Variants in CDK5RAP2 observed in about 807,000 individuals in gnomAD.
CDK5RAP2 encodes the protein CDK5 regulatory subunit associated protein 2.
In CDK5RAP2, 147 loss-of-function variants were observed where a neutral mutation model predicts 232.9. The ratio of observed to expected loss-of-function variants is 0.63; its 90% CI spans 0.55 to 0.72. The LOEUF (loss-of-function observed/expected upper bound fraction) is 0.72, where lower values mean the gene tolerates loss of function less well. CDK5RAP2 is among the 30% of genes least tolerant of loss of function. The probability of loss-of-function intolerance (pLI) is 0.00; values close to 1 mark genes in which losing one functional copy is unlikely to be tolerated. For missense variants in CDK5RAP2, 2,195 were observed against 2,231.5 expected (o/e 0.98, Z 0.33); for synonymous variants, 833 against 833.7 (o/e 1.00, Z 0.01).
chr9:120,437,190 G>A (rs762422076), intron 25 of CDK5RAP2, 105 bp downstream of exon 25: 3 of 795,772 alleles, frequency 3.8e-6, no homozygotes, highest in Non-Finnish European at 6.6e-6. Flanking sequence ...AAGGCAGAGG[G>A]GTGAAAGATA....
chr9:120,405,980 A>T (rs1278565651), intron 32 of CDK5RAP2, among the ~76,000 whole-genome samples: 4 of 152,256 alleles, frequency 2.6e-5, no homozygotes, highest in Non-Finnish European at 4.4e-5. Context: ...TGCAAATTTT[A>T]AAAAATGATC....
chr9:120,580,063 G>T lies in CDK5RAP2; in HGVS notation c.-85C>A, dbSNP rs904299044. On this transcript the variant is annotated 5_prime_UTR_variant, in exon 1 of 38. It adds an upstream start codon to the 5' untranslated region. Coordinates refer to ENST00000349780, the MANE Select transcript of CDK5RAP2 (RefSeq NM_018249.6). ...CGATAGCGACCCGCCGGGCTCCCCAGGTCCCCGCCCCCTCCACCCCAGCTC... is the reference window on the plus strand; with the variant it reads ...CGATAGCGACCCGCCGGGCTCCCCATGTCCCCGCCCCCTCCACCCCAGCTC... 11 of 826,426 alleles carry T rather than the reference G, an allele frequency of 1.3e-5. No homozygotes were observed. Among genetic ancestry groups the T allele is most frequent in the African/African-American group, 1.2e-4 (7 of 59,722 alleles). The allele number at this position is 826,426 out of a possible 1,614,324, so 51.2% of individuals were successfully genotyped here.
rs7874364 is a variant in CDK5RAP2, at chr9:120,408,642, C to G, written c.4605-174G>C. Among the ~76,000 whole-genome samples the G allele has an allele frequency of 0.33, 49,840 of 152,132 alleles. 8,742 individuals carry two copies. The highest frequency in any genetic ancestry group is 0.46 in the African/African-American group (19,115 of 41,500). The stretch of plus-strand genomic sequence containing the variant: ...CTAATCCTAATTCCACTCCTCTGCT[C>G]AGAATCTCCCAGTGGCTTCCCATGC... On this transcript the variant is annotated intron_variant, in intron 30 of 37. Coordinates refer to ENST00000349780, the MANE Select transcript of CDK5RAP2 (RefSeq NM_018249.6).
chr9:120,558,371 CAAAAAAAAAAAAAAAAA>C (rs60669308), intron 3 of CDK5RAP2, among the ~76,000 whole-genome samples: 5 of 40,080 alleles, frequency 1.2e-4, no homozygotes, highest in Non-Finnish European at 1.2e-4. Flanking sequence ...GACTCCGTCT[CAAAAAAAAAAAAAAAAA>C]AAAAAAAAAA....
chr9:120,535,847 T>C (rs1395336940), intron 7 of CDK5RAP2, among the ~76,000 whole-genome samples: 1 of 152,230 alleles, frequency 6.6e-6, no homozygotes, highest in Non-Finnish European at 1.5e-5. Flanking sequence ...CCTTGCCCTG[T>C]ACTCATTTGG....
In CDK5RAP2 at chr9:120,486,631, C is replaced by G. The variant is rs2038620285; in HGVS notation, c.1626+663G>C. The stretch of plus-strand genomic sequence containing the variant: ...GGTGAGAGGAAGCGGAAAGGTGGAT[C>G]GTGTAACTCCAACAAACAGAGTAAG... On this transcript the variant is annotated intron_variant, in intron 14 of 37. Transcript: ENST00000349780. Among the ~76,000 whole-genome samples, 3 of 152,008 alleles carry G rather than the reference C, an allele frequency of 2.0e-5. No homozygotes were observed. In the South Asian group the frequency reaches 6.2e-4, roughly 32 times the overall value.
rs764342492 is a variant in CDK5RAP2 at position 120,407,013 on chromosome 9, G to A, written c.4962C>T (p.His1654=). ...AGTGGGGAGAGGCAGGGGCAGTACC[G>A]TGTTTGTCAGGCTGAAGGGGCACCT... ...IPEVPLQPDK[H]DGDKYPMESD... is the part of the protein sequence containing the mutation. Residue 1654 remains histidine (H), a splice_region_variant and synonymous_variant, in exon 32 of 38, where the codon CAC becomes CAT. Transcript: ENST00000349780. 1.7e-5 allele frequency: 27 copies of A among 1,609,886 alleles called. No individual in the cohort carries two copies. The highest frequency in any genetic ancestry group is 1.7e-4 in the Middle Eastern group (1 of 6,048).
chr9:120,446,299 T>G (rs2131365215), intron 22 of CDK5RAP2, among the ~76,000 whole-genome samples: 1 of 152,274 alleles, frequency 6.6e-6, no homozygotes, highest in South Asian at 2.1e-4. Flanking sequence ...TTGTGTCTGC[T>G]CACTGCAACC....
In CDK5RAP2 at chr9:120,530,121, G is replaced by C. The variant is rs1441026148; in HGVS notation, c.682C>G (p.Leu228Val). The change falls in exon 8 of 38, where the codon CTG (leucine) becomes GTG (valine). Residue 228 changes from leucine (L) to valine (V), a missense_variant. By Grantham distance (32) the Leu-to-Val change is conservative. Transcript: ENST00000349780. ...AAAGCTTCTTTGCTCTTCAAAGACA[G>C]CTTCAACTCCTCAATCAGTCTAAAA... ...EKDRLIEELK[L>V]SLKSKEALIQ... 5 of 1,613,238 alleles carry C rather than the reference G, an allele frequency of 3.1e-6. No homozygotes were observed. The Admixed American group carries it at 6.7e-5, about 22-fold the overall frequency.
At chr9:120,534,594 G>T (rs1168311998) in intron 7 of CDK5RAP2, among the ~76,000 whole-genome samples, 3 of 152,058 alleles carry the variant, frequency 2.0e-5, no homozygotes, top group Admixed American at 1.3e-4. Context: ...GATATTTTTT[G>T]AATAAAAGGC....
intron 12 of CDK5RAP2, among the ~76,000 whole-genome samples, chr9:120,511,768 C>T (rs554460672): frequency 7.5e-4 from 102 of 135,976 alleles, no homozygotes; most frequent in African/African-American, 2.8e-3. Flanking sequence ...GAGACAGTCT[C>T]GCTCTGTCGC....
intron 17 of CDK5RAP2, among the ~76,000 whole-genome samples, chr9:120,469,483 C>T (rs2037569017): frequency 6.6e-6 from 1 of 152,186 alleles, no homozygotes; most frequent in African/African-American, 2.4e-5. Context: ...GTCACACATA[C>T]ATGATAATTT....
At chr9:120,571,486 C>T (rs962533453) in intron 2 of CDK5RAP2, among the ~76,000 whole-genome samples, 7 of 152,250 alleles carry the variant, frequency 4.6e-5, no homozygotes, top group African/African-American at 1.4e-4. Flanking sequence ...AAACACAGTA[C>T]GCTACTTATT....
Position 120,439,398 on chromosome 9 carries a change from C to T in CDK5RAP2, c.3722+1G>A, listed in dbSNP as rs1430940897. On this transcript the variant is annotated splice_donor_variant, in intron 24 of 37. Transcript: ENST00000349780. LOFTEE classifies it high-confidence loss of function. The stretch of plus-strand genomic sequence containing the variant: ...GGGGAGACGGCAGAGGTGGAACGTA[C>T]CTGGGAGGTGAGAGATCTCTGAACT... 1 of 1,613,316 alleles carries T rather than the reference C, an allele frequency of 6.2e-7. No homozygotes were observed. The highest frequency in any genetic ancestry group is 2.2e-5 in the East Asian group (1 of 44,876).
At chr9:120,413,434 C>T (rs769199317) in intron 28 of CDK5RAP2, among the ~76,000 whole-genome samples, 2 of 152,226 alleles carry the variant, frequency 1.3e-5, no homozygotes, top group Non-Finnish European at 2.9e-5. Context: ...CAGGGGGAGG[C>T]GGAGCCACTT....
chr9:120,475,267 GAATGTATTAC>G (rs1422944166), intron 15 of CDK5RAP2, among the ~76,000 whole-genome samples: 56 of 152,280 alleles, frequency 3.7e-4, no homozygotes, highest in African/African-American at 1.1e-3. Context: ...GTCTCCCACT[GAATGTATTAC>G]AAGTCTGAAG....
chr9:120,546,734 A>C (rs1176880200), intron 4 of CDK5RAP2, among the ~76,000 whole-genome samples: 2 of 151,922 alleles, frequency 1.3e-5, no homozygotes, highest in Non-Finnish European at 2.9e-5. Flanking sequence ...CCTGGGCTCA[A>C]GGGATCCTCC....
intron 32 of CDK5RAP2, among the ~76,000 whole-genome samples, chr9:120,404,914 G>C (rs945042531): frequency 1.2e-4 from 19 of 152,214 alleles, no homozygotes; most frequent in African/African-American, 4.6e-4. Context: ...GGACTCAATA[G>C]CTCAGTGGGC....
chr9:120,547,683 A>T (rs1398154887), intron 4 of CDK5RAP2, among the ~76,000 whole-genome samples: 1 of 152,162 alleles, frequency 6.6e-6, no homozygotes, highest in Non-Finnish European at 1.5e-5. Flanking sequence ...AGCCCTAGAG[A>T]AGCAAGTACT....
Sources: gnomAD v4.1 joint callset for allele counts (sites outside exome capture counted in the v4.1 genomes callset) on GRCh38, gnomAD v4.1.1 for gene constraint, MANE v1.5 for transcripts, NCBI Gene and HGNC (gene_info 2026-07-23, HGNC 2026-07-21) for gene names.